The following REDIC1 variants were observed in gnomAD, a reference collection of about 807,000 sequenced individuals.
REDIC1 encodes HEI10 Interacting Protein 1.
chr12:39,721,022 T>G, the REDIC1 span: 1 of 1,613,766 alleles, frequency 6.2e-7, no homozygotes, highest in Non-Finnish European at 8.5e-7. Context: ...GCCCACATTT[T>G]GCAAAACAAA....
At chr12:39,786,854 G>A in the REDIC1 span, among the ~76,000 whole-genome samples, 1 of 152,278 alleles carries the variant, frequency 6.6e-6, no homozygotes, top group East Asian at 1.9e-4. Context: ...ATGGAATTGA[G>A]ATTTTAGTAA....
At chr12:39,903,590 T>C in the REDIC1 span, among the ~76,000 whole-genome samples, 1 of 152,024 alleles carries the variant, frequency 6.6e-6, no homozygotes, top group African/African-American at 2.4e-5. Flanking sequence ...ACCAAACTCA[T>C]GAGTTCTAGT....
At chr12:39,895,557 C>CAA in the REDIC1 span, among the ~76,000 whole-genome samples, 1 of 130,926 alleles carries the variant, frequency 7.6e-6, no homozygotes, top group Non-Finnish European at 1.6e-5. Flanking sequence ...TATATACACA[C>CAA]ACACACACAC....
At chr12:39,735,696 A>G in the REDIC1 span, among the ~76,000 whole-genome samples, 3 of 152,222 alleles carry the variant, frequency 2.0e-5, no homozygotes. Context: ...TTATTGTACA[A>G]CCCTTTGCAA....
the REDIC1 span, chr12:39,835,576 T>G: frequency 6.6e-6 from 1 of 152,116 alleles, no homozygotes; most frequent in African/African-American, 2.4e-5. Flanking sequence ...CTAATCCACA[T>G]TTAGTAAAGC....
At chr12:39,684,400 G>A in the REDIC1 span, 4 of 396,200 alleles carry the variant, frequency 1.0e-5, no homozygotes, top group Admixed American at 1.3e-4. Context: ...TTTTTATTCT[G>A]GAAGTGATTT....
chr12:39,883,339 G>C, the REDIC1 span, among the ~76,000 whole-genome samples: 2 of 152,134 alleles, frequency 1.3e-5, no homozygotes, highest in Non-Finnish European at 2.9e-5. Flanking sequence ...CTCACTGCCA[G>C]TTTGTGTTCC....
the REDIC1 span, among the ~76,000 whole-genome samples, chr12:39,861,796 TC>T: frequency 6.6e-6 from 1 of 152,220 alleles, no homozygotes; most frequent in South Asian, 2.1e-4. Flanking sequence ...CCAAACATTT[TC>T]TATAGCAACT....
chr12:39,640,575 C>T, the REDIC1 span, among the ~76,000 whole-genome samples: 1 of 151,800 alleles, frequency 6.6e-6, no homozygotes, highest in Admixed American at 6.6e-5. Flanking sequence ...CTGTAGATTT[C>T]AGTAGAATGT....
At chr12:39,785,681 C>T in the REDIC1 span, among the ~76,000 whole-genome samples, 3 of 152,118 alleles carry the variant, frequency 2.0e-5, no homozygotes, top group East Asian at 1.9e-4. Flanking sequence ...AACGCCAGCC[C>T]GTGAAAGCAG....
chr12:39,726,591 C>A, the REDIC1 span, among the ~76,000 whole-genome samples: 1 of 152,102 alleles, frequency 6.6e-6, no homozygotes, highest in Non-Finnish European at 1.5e-5. Flanking sequence ...GGTTCCAAGT[C>A]TTTGCTATTG....
chr12:39,699,819 C>A, the REDIC1 span, among the ~76,000 whole-genome samples: 1 of 152,166 alleles, frequency 6.6e-6, no homozygotes, highest in Non-Finnish European at 1.5e-5. Flanking sequence ...GGAGGCACCC[C>A]CAAGCAGTGG....
At chr12:39,658,087 C>CT in the REDIC1 span, among the ~76,000 whole-genome samples, 116,212 of 147,590 alleles carry the variant, frequency 0.79, 46,302 homozygotes, top group Non-Finnish European at 0.86. Flanking sequence ...CATCAAAATA[C>CT]TTTTTTTTTT....
the REDIC1 span, among the ~76,000 whole-genome samples, chr12:39,763,097 G>A: frequency 1.3e-5 from 2 of 151,938 alleles, no homozygotes; most frequent in African/African-American, 2.4e-5. Context: ...CAGTAAATAC[G>A]AGGAAATATT....
At chr12:39,694,447 A>C in the REDIC1 span, among the ~76,000 whole-genome samples, 1 of 152,116 alleles carries the variant, frequency 6.6e-6, no homozygotes, top group African/African-American at 2.4e-5. Context: ...AGGGACAGTC[A>C]GTGCAGCAGT....
At chr12:39,704,582 A>C in the REDIC1 span, among the ~76,000 whole-genome samples, 1 of 151,674 alleles carries the variant, frequency 6.6e-6, no homozygotes, top group Non-Finnish European at 1.5e-5. Flanking sequence ...GTATATACCC[A>C]AAGGACTATA....
At chr12:39,898,725 A>C in the REDIC1 span, among the ~76,000 whole-genome samples, 2 of 152,162 alleles carry the variant, frequency 1.3e-5, no homozygotes, top group Non-Finnish European at 2.9e-5. Context: ...AATCTGGGGC[A>C]TGTGTTCATG....
At chr12:39,714,089 A>G in the REDIC1 span, among the ~76,000 whole-genome samples, 3 of 7,894 alleles carry the variant, frequency 3.8e-4, no homozygotes, top group Non-Finnish European at 1.6e-3. Flanking sequence ...ATACACATAT[A>G]TGTACATGTA....
At chr12:39,757,216 A>ACAT in the REDIC1 span, 2 of 151,810 alleles carry the variant, frequency 1.3e-5, no homozygotes, top group South Asian at 4.1e-4. Context: ...TTTTCCTAAG[A>ACAT]CATAATATAC....
Sources: allele counts gnomAD v4.1 joint callset (sites outside exome capture counted in the v4.1 genomes callset), GRCh38; gene constraint gnomAD v4.1.1; transcripts MANE v1.5; gene names NCBI Gene and HGNC (gene_info 2026-07-23, HGNC 2026-07-21).